The following AFAP1 variants were observed in gnomAD, a reference collection of about 807,000 sequenced individuals.
The protein encoded by AFAP1 is actin filament-associated protein 1.
In AFAP1, 75 loss-of-function variants were observed where a neutral mutation model predicts 93.9. That is an observed-to-expected ratio of 0.80 (90% confidence interval 0.66 to 0.97). The LOEUF (loss-of-function observed/expected upper bound fraction) is 0.97. Ranked by LOEUF, AFAP1 falls within the 50% of genes least tolerant of loss-of-function variation. The probability of loss-of-function intolerance (pLI) is 0.00; values close to 1 mark genes in which losing one functional copy is unlikely to be tolerated. For synonymous variants in AFAP1, 517 were observed against 430.7 expected, an observed-to-expected ratio of 1.20 and a Z score of -2.48; for missense variants, 1,201 against 1,050.8, an observed-to-expected ratio of 1.14 and a Z score of -1.98.
intron 1 of AFAP1, among the ~76,000 whole-genome samples, chr4:7,873,009 G>C (rs1344383532): frequency 6.7e-6 from 1 of 149,852 alleles, no homozygotes; most frequent in Admixed American, 6.6e-5. Context: ...CAGCACTTTG[G>C]GAGACCCAGG....
chr4:7,842,686 T>TAAA, intron 5 of AFAP1: 1 of 135,758 alleles, frequency 7.4e-6, no homozygotes, highest in African/African-American at 2.8e-5. Context: ...CTCTCAAATT[T>TAAA]AAAAAAAAAA....
At chr4:7,900,236 C>A (rs1281907320) in intron 1 of AFAP1, among the ~76,000 whole-genome samples, 1 of 152,196 alleles carries the variant, frequency 6.6e-6, no homozygotes, top group East Asian at 1.9e-4. Context: ...GGCCACACAT[C>A]CAGAATGCTT....
intron 1 of AFAP1, among the ~76,000 whole-genome samples, chr4:7,884,433 T>C (rs192841962): frequency 1.3e-5 from 2 of 152,120 alleles, no homozygotes; most frequent in Admixed American, 6.5e-5. Flanking sequence ...CTAAGAACAA[T>C]GAAGAGAGAA....
At chr4:7,822,094 G>A (rs1383865591) in intron 6 of AFAP1, among the ~76,000 whole-genome samples, 2 of 151,698 alleles carry the variant, frequency 1.3e-5, no homozygotes, top group Non-Finnish European at 2.9e-5. Flanking sequence ...TGTTTATTAA[G>A]TCTCCAAATG....
At chr4:7,910,048 T>C (rs754103111) in intron 1 of AFAP1, among the ~76,000 whole-genome samples, 25 of 152,228 alleles carry the variant, frequency 1.6e-4, no homozygotes, top group East Asian at 1.9e-4. Flanking sequence ...GTGAAAAAAA[T>C]ACCCTGGTAT....
intron 12 of AFAP1, among the ~76,000 whole-genome samples, chr4:7,783,791 C>T (rs1359255084): frequency 1.3e-5 from 2 of 152,166 alleles, no homozygotes; most frequent in African/African-American, 4.8e-5. Context: ...AGACAGCATC[C>T]GGTTCACAGT....
At chr4:7,769,546 A>AG (rs764586201) in intron 16 of AFAP1, among the ~76,000 whole-genome samples, 2 of 151,928 alleles carry the variant, frequency 1.3e-5, no homozygotes, top group East Asian at 3.9e-4. Flanking sequence ...ATGCCAAAGG[A>AG]GGAGGTGTTC....
Position 7,867,988 on chromosome 4 carries a change from T to A in AFAP1, c.225+634A>T, listed in dbSNP as rs115703160. Among the ~76,000 whole-genome samples, 349 of 152,036 alleles carry A rather than the reference T, an allele frequency of 2.3e-3. 2 individuals carry two copies. The highest frequency in any genetic ancestry group is 8.0e-3 in the African/African-American group (332 of 41,452). ...CTACTGATTTTGCCCTAACTTTGAATGACACTCTGAATTCCTCGAGTAAAC... is the reference window on the plus strand; with the variant it reads ...CTACTGATTTTGCCCTAACTTTGAAAGACACTCTGAATTCCTCGAGTAAAC... On this transcript the variant is annotated intron_variant, in intron 3 of 17. Coordinates refer to ENST00000420658, the MANE Select transcript of AFAP1 (RefSeq NM_001134647.2).
At chr4:7,853,896 G>A (rs1026694729) in intron 4 of AFAP1, among the ~76,000 whole-genome samples, 7 of 152,172 alleles carry the variant, frequency 4.6e-5, no homozygotes, top group South Asian at 2.1e-4. Flanking sequence ...TTCCCCAGGC[G>A]TGAGTTCCTC....
At chr4:7,778,952 G>A in intron 13 of AFAP1, 76 bp from the exon 14 acceptor site, 1 of 1,150,018 alleles carries the variant, frequency 8.7e-7, no homozygotes, top group Non-Finnish European at 1.2e-6. Context: ...TTTTTCTGGA[G>A]TCATTTCTTT....
rs138652108 is a variant in AFAP1 at position 7,762,577 on chromosome 4, C to T, written c.*1188G>A. 1.5e-3 allele frequency: 233 copies of T among 152,258 alleles called. 1 individual carries two copies. The highest frequency in any genetic ancestry group is 5.3e-3 in the African/African-American group (221 of 41,538). The allele number at this position is 152,258 out of a possible 1,614,324, so 9.4% of individuals were successfully genotyped here. On this transcript the variant is annotated 3_prime_UTR_variant, in exon 18 of 18. Coordinates refer to ENST00000420658, the MANE Select transcript of AFAP1 (RefSeq NM_001134647.2). ...TGAACTCTGTTTTTTTCCTTTATGC[C>T]TTAGGCATCCAAATTCTCCAAGAAA...
chr4:7,790,626 T>C (rs1717778549), intron 11 of AFAP1, among the ~76,000 whole-genome samples: 1 of 151,438 alleles, frequency 6.6e-6, no homozygotes, highest in Non-Finnish European at 1.5e-5. Flanking sequence ...TGGGCAGATT[T>C]TGCAAAAATA....
chr4:7,792,558 T>C (rs1323106182), intron 11 of AFAP1, among the ~76,000 whole-genome samples: 1 of 152,226 alleles, frequency 6.6e-6, no homozygotes, highest in Non-Finnish European at 1.5e-5. Context: ...TGCAAATGCC[T>C]ATGTGCAAAT....
At chr4:7,917,637 C>A (rs1720157806) in intron 1 of AFAP1, among the ~76,000 whole-genome samples, 2 of 152,154 alleles carry the variant, frequency 1.3e-5, no homozygotes, top group Non-Finnish European at 2.9e-5. Flanking sequence ...TCAGCATGCA[C>A]ATGAACCACG....
chr4:7,801,638 G>C (rs930788607), intron 9 of AFAP1, among the ~76,000 whole-genome samples: 1 of 152,048 alleles, frequency 6.6e-6, no homozygotes, highest in Non-Finnish European at 1.5e-5. Flanking sequence ...AATGTTGATA[G>C]TGGCAGAAAA....
chr4:7,819,243 TACAG>T lies in AFAP1; in HGVS notation c.727-76_727-73del, dbSNP rs2149070860. 15 of 1,371,834 alleles carry T rather than the reference TACAG, an allele frequency of 1.1e-5. No homozygotes were observed. The South Asian group carries it at 2.0e-4, about 19-fold the overall frequency. The allele number at this position is 1,371,834 out of a possible 1,614,324, so 85.0% of individuals were successfully genotyped here. On this transcript the variant is annotated intron_variant, in intron 6 of 17. Coordinates refer to ENST00000420658, the MANE Select transcript of AFAP1 (RefSeq NM_001134647.2). ...ACTTAAAGGCTTGAACTGTGAGTTG[TACAG>T]ACAGAGGCACATGGCGTGGTAGGGA...
chr4:7,815,971 GTT>G (rs35907552), intron 8 of AFAP1, 45 bp downstream of exon 8: 150 of 1,282,862 alleles, frequency 1.2e-4, no homozygotes, highest in Non-Finnish European at 1.2e-4. Context: ...TTTTGTTTTT[GTT>G]TTTTTTTTTA....
At chr4:7,774,947 G>A (rs1334734014) in intron 14 of AFAP1, 44 bp from the exon 15 acceptor site, 1 of 1,593,032 alleles carries the variant, frequency 6.3e-7, no homozygotes, top group South Asian at 1.1e-5. Flanking sequence ...AGGTTTACTA[G>A]CCTGGGAAAT....
chr4:7,808,724 G>C (rs1268965765), intron 9 of AFAP1, among the ~76,000 whole-genome samples: 2 of 152,216 alleles, frequency 1.3e-5, no homozygotes, highest in Non-Finnish European at 2.9e-5. Context: ...CATGGGAGCA[G>C]ATCTCTTATA....
Sources: gnomAD v4.1 joint callset for allele counts (sites outside exome capture counted in the v4.1 genomes callset) on GRCh38, gnomAD v4.1.1 for gene constraint, MANE v1.5 for transcripts, NCBI Gene and HGNC (gene_info 2026-07-23, HGNC 2026-07-21) for gene names.